LAMA1: variants seen among roughly 807,000 people sequenced by gnomAD.
LAMA1 encodes laminin subunit alpha-1.
Under a neutral mutation model 348.7 loss-of-function variants are expected in LAMA1, and 219 were observed. That is an observed-to-expected ratio of 0.63 (90% CI 0.56 to 0.70). The LOEUF (loss-of-function observed/expected upper bound fraction) is 0.70. LAMA1 is among the 30% of genes least tolerant of loss of function. The pLI is 0.00. For missense variants in LAMA1, 3,744 were observed against 3,888.0 expected (o/e 0.96, Z 0.99); for synonymous variants, 1,487 against 1,491.0 (o/e 1.00, Z 0.06).
At chr18:7,071,598 C>T (rs181107973) in intron 3 of LAMA1, among the ~76,000 whole-genome samples, 1 of 152,156 alleles carries the variant, frequency 6.6e-6, no homozygotes, top group Non-Finnish European at 1.5e-5. Context: ...GATGCGTAAG[C>T]CATATAGAAA....
chr18:7,080,130 G>A (rs1328557932), intron 2 of LAMA1, 43 bp from the exon 3 acceptor site: 5 of 1,575,984 alleles, frequency 3.2e-6, no homozygotes, highest in East Asian at 4.5e-5. Context: ...CTCGGCTGTT[G>A]CTTTAAATTT....
At chr18:7,055,864 G>A (rs2058079590) in intron 3 of LAMA1, among the ~76,000 whole-genome samples, 2 of 152,038 alleles carry the variant, frequency 1.3e-5, no homozygotes, top group Non-Finnish European at 2.9e-5. Flanking sequence ...GGCGGATCAC[G>A]AGGTCAGGAG....
At chr18:7,112,595 AAT>A (rs560129265) in intron 1 of LAMA1, among the ~76,000 whole-genome samples, 3 of 144,118 alleles carry the variant, frequency 2.1e-5, no homozygotes, top group South Asian at 2.1e-4. Flanking sequence ...TATCTATTAA[AAT>A]ATATATATAT....
In LAMA1 at chr18:6,949,194, C is replaced by T. The variant is rs755068917; in HGVS notation, c.8463G>A (p.Val2821=). The stretch of plus-strand genomic sequence containing the variant: ...GCATGGTTCCATCTCCCACCACAGT[C>T]ACCATGGGAGACTCTCGGCCGTCGA... ...ITVDGRESPM[V]TVVGDGTMLD... The change falls in exon 59 of 63, where the codon GTG becomes GTA. Residue 2821 remains valine, a synonymous_variant. Coordinates refer to ENST00000389658, the MANE Select transcript of LAMA1 (RefSeq NM_005559.4). The T allele has an allele frequency of 1.2e-6, 2 of 1,614,150 alleles. No homozygotes were observed. Among genetic ancestry groups the T allele is most frequent in the South Asian group, 2.2e-5 (2 of 91,076 alleles).
rs1455805234 is a variant in LAMA1 at position 7,040,249 on chromosome 18, C to G, written c.1262-13G>C. ...CCTGGCTGCTTCCCTAGAAAGACAA[C>G]AATGGCAATGACCCAACATGAAGGC... is the stretch of plus-strand genomic sequence containing the variant. On this transcript the variant is annotated splice_polypyrimidine_tract_variant and intron_variant, in intron 9 of 62. Coordinates refer to ENST00000389658, the MANE Select transcript of LAMA1 (RefSeq NM_005559.4). 6.2e-7 allele frequency: 1 copy of G among 1,613,862 alleles called. No homozygotes were observed. The highest frequency in any genetic ancestry group is 1.3e-5 in the African/African-American group (1 of 74,908).
intron 3 of LAMA1, among the ~76,000 whole-genome samples, chr18:7,077,979 G>C (rs1437918251): frequency 6.7e-6 from 1 of 148,922 alleles, no homozygotes; most frequent in Non-Finnish European, 1.5e-5. Context: ...CAGGAGAATC[G>C]CGTGAACCCG....
chr18:7,070,610 G>A (rs912419269), intron 3 of LAMA1, among the ~76,000 whole-genome samples: 4 of 152,288 alleles, frequency 2.6e-5, no homozygotes, highest in Middle Eastern at 3.4e-3. Flanking sequence ...CACACAAGCA[G>A]CTCTTGTCTA....
At chr18:7,009,125 C>T (rs2057846812) in intron 27 of LAMA1, 114 bp downstream of exon 27, 1 of 1,196,418 alleles carries the variant, frequency 8.4e-7, no homozygotes, top group Non-Finnish European at 1.2e-6. Flanking sequence ...TGGTAAGGAA[C>T]TGAACTACAT....
chr18:7,046,645 T>C (rs1031815037), intron 5 of LAMA1, among the ~76,000 whole-genome samples: 23 of 152,206 alleles, frequency 1.5e-4, no homozygotes, highest in Admixed American at 2.6e-4. Flanking sequence ...AAACTCATTA[T>C]TGAAAACCGT....
intron 32 of LAMA1, among the ~76,000 whole-genome samples, chr18:6,998,166 G>A (rs534965959): frequency 1.2e-4 from 18 of 152,222 alleles, no homozygotes; most frequent in South Asian, 1.0e-3. Context: ...CAAGAGTGGC[G>A]CCCAGTAAGC....
chr18:7,006,977 A>T (rs2057834973), intron 29 of LAMA1, among the ~76,000 whole-genome samples, 162 bp downstream of exon 29: 1 of 152,232 alleles, frequency 6.6e-6, no homozygotes, highest in African/African-American at 2.4e-5. Context: ...GGTCAGAACC[A>T]CTAAGCTATG....
chr18:6,989,674 G>A (rs1218473595), intron 36 of LAMA1, among the ~76,000 whole-genome samples: 1 of 152,064 alleles, frequency 6.6e-6, no homozygotes, highest in African/African-American at 2.4e-5. Flanking sequence ...TCGCCAATAG[G>A]GGAGGGTCAG....
chr18:6,985,055 T>TGTA (rs926952643), intron 39 of LAMA1, among the ~76,000 whole-genome samples, 182 bp downstream of exon 39: 2 of 152,196 alleles, frequency 1.3e-5, no homozygotes, highest in African/African-American at 4.8e-5. Flanking sequence ...CCACCATATA[T>TGTA]GTAGGCCAAT....
At position 7,115,814 on chromosome 18, in the gene LAMA1, C is replaced by CAAAAAAAAAA. The variant is rs557585224; in HGVS notation, c.61+1836_61+1845dup. Among the ~76,000 whole-genome samples the CAAAAAAAAAA allele has an allele frequency of 1.2e-3, 115 of 94,814 alleles. 3 individuals are homozygous for CAAAAAAAAAA. Among genetic ancestry groups the CAAAAAAAAAA allele is most frequent in the African/African-American group, 2.4e-3 (67 of 28,274 alleles). 62.2% of individuals were successfully genotyped at this position (94,814 alleles called of 152,430 possible). A position where few individuals can be genotyped will look rare whatever the true frequency, so the allele number is the denominator to read the frequency against. Reference sequence around the variant, plus strand: ...TGAAACCCTGTCTCCACTAAAAATACAAAAAAAAAAAAAAAAAAATAGCCG... The same window carrying CAAAAAAAAAA: ...TGAAACCCTGTCTCCACTAAAAATACAAAAAAAAAAAAAAAAAAAAAAAAAAAAATAGCCG... On this transcript the variant is annotated intron_variant, in intron 1 of 62. Transcript: ENST00000389658.
chr18:6,978,462 A>G (rs1158604040), intron 42 of LAMA1, 84 bp from the exon 43 acceptor site: 1 of 1,244,726 alleles, frequency 8.0e-7, no homozygotes, highest in Non-Finnish European at 1.2e-6. Context: ...GTAATTTCGC[A>G]CAGAAATATA....
At chr18:7,009,516 A>C in intron 26 of LAMA1, 150 bp from the exon 27 acceptor site, 1 of 822,406 alleles carries the variant, frequency 1.2e-6, no homozygotes, top group Non-Finnish European at 2.0e-6. Context: ...GACCTCCTGA[A>C]ACCTCCATGG....
intron 29 of LAMA1, among the ~76,000 whole-genome samples, chr18:7,004,203 A>G (rs1029402897): frequency 6.6e-6 from 1 of 152,182 alleles, no homozygotes; most frequent in African/African-American, 2.4e-5. Context: ...AAATTCACAG[A>G]GAATGCCTGC....
chr18:6,986,435 T>G, intron 36 of LAMA1, 88 bp from the exon 37 acceptor site: 1 of 1,157,694 alleles, frequency 8.6e-7, no homozygotes, highest in Non-Finnish European at 1.3e-6. Context: ...TTTTACGTAT[T>G]TATGCCTAGT....
At chr18:6,997,320 C>A (rs2057786368) in intron 33 of LAMA1, among the ~76,000 whole-genome samples, 1 of 152,166 alleles carries the variant, frequency 6.6e-6, no homozygotes, top group Non-Finnish European at 1.5e-5. Context: ...CCTTGGCCCC[C>A]CAAAGTGCTG....
Sources: allele counts gnomAD v4.1 joint callset (sites outside exome capture counted in the v4.1 genomes callset), GRCh38; gene constraint gnomAD v4.1.1; transcripts MANE v1.5; gene names NCBI Gene and HGNC (gene_info 2026-07-23, HGNC 2026-07-21).